Variants in DPP6 observed in about 807,000 individuals in gnomAD.
The protein encoded by DPP6 is A-type potassium channel modulatory protein DPP6.
DPP6 carries 69 observed loss-of-function variants against 122.6 expected under a neutral mutation model. That is an observed-to-expected ratio of 0.56 (90% CI 0.46 to 0.69). DPP6 has a LOEUF of 0.69. DPP6 is among the 30% of genes least tolerant of loss of function. DPP6 has a pLI of 0.00. For missense variants in DPP6, 928 were observed against 1,116.9 expected (o/e 0.83, Z 2.41); for synonymous variants, 418 against 433.1 (o/e 0.97, Z 0.43).
In DPP6 at chr7:154,892,883, G is replaced by A. The variant is rs1165013811; in HGVS notation, c.*403G>A. The A allele has an allele frequency of 7.6e-6, 4 of 529,468 alleles. No homozygotes were observed. The highest frequency in any genetic ancestry group is 5.7e-5 in the African/African-American group (3 of 52,406). 32.8% of individuals were successfully genotyped at this position (529,468 alleles called of 1,614,324 possible). A position where few individuals can be genotyped will look rare whatever the true frequency, so the allele number is the denominator to read the frequency against. On this transcript the variant is annotated 3_prime_UTR_variant, in exon 26 of 26. Coordinates refer to ENST00000377770, the MANE Select transcript of DPP6 (RefSeq NM_130797.4). ...CACTAGCCTCTGTGTTCCCGTTAGG[G>A]ACATCACACCCTGTCTCACGTCGCA...
chr7:154,184,353 C>T (rs1339355061), intron 1 of DPP6, among the ~76,000 whole-genome samples: 1 of 151,988 alleles, frequency 6.6e-6, no homozygotes, highest in African/African-American at 2.4e-5. Flanking sequence ...GTCCTCTCCA[C>T]TCCCCTCTGA....
chr7:154,702,237 T>A (rs1233532059), intron 7 of DPP6, among the ~76,000 whole-genome samples: 1 of 152,240 alleles, frequency 6.6e-6, no homozygotes, highest in African/African-American at 2.4e-5. Flanking sequence ...GGCCTCCCTA[T>A]TCCTTGACAC....
intron 2 of DPP6, among the ~76,000 whole-genome samples, chr7:154,454,096 T>A (rs1820622913): frequency 6.6e-6 from 1 of 152,202 alleles, no homozygotes; most frequent in African/African-American, 2.4e-5. Context: ...TTCCACAAAT[T>A]CAATCTTGTT....
intron 1 of DPP6, among the ~76,000 whole-genome samples, chr7:154,351,107 CA>C (rs1448940499): frequency 6.6e-6 from 1 of 152,196 alleles, no homozygotes; most frequent in Non-Finnish European, 1.5e-5. Context: ...GACTTCTAAG[CA>C]GCAAGCAGCT....
At chr7:154,634,634 T>C (rs1333820382) in intron 5 of DPP6, among the ~76,000 whole-genome samples, 1 of 145,724 alleles carries the variant, frequency 6.9e-6, no homozygotes, top group East Asian at 2.0e-4. Context: ...CTCCTCCTCC[T>C]CCTCTTCTTC....
In DPP6 at chr7:154,755,098, C is replaced by A. The variant is rs923019526; in HGVS notation, c.884-14319C>A. 3.5e-5 allele frequency among the ~76,000 whole-genome samples: 5 copies of A among 143,384 alleles called. No individual in the cohort carries two copies. The highest frequency in any genetic ancestry group is 7.5e-5 in the Non-Finnish European group (5 of 66,554). 94.1% of individuals were successfully genotyped at this position (143,384 alleles called of 152,430 possible). On this transcript the variant is annotated intron_variant, in intron 8 of 25. Transcript: ENST00000377770. This position sits in a 1 kb window ranked among gnomAD's most constrained non-coding sequence, Gnocchi z 4.7. ...CCACGGCACATGTATACCTATGTAA[C>A]AAACCTGCACGTTCTGCACATGTAT...
chr7:153,892,947 T>C (rs1584993044), intron 1 of DPP6, among the ~76,000 whole-genome samples: 1 of 152,238 alleles, frequency 6.6e-6, no homozygotes, highest in East Asian at 1.9e-4. Context: ...TATTGATTAA[T>C]CCCATCTGTG....
At chr7:154,872,454 C>T (rs1349855972) in intron 18 of DPP6, among the ~76,000 whole-genome samples, 170 bp from the exon 19 acceptor site, 1 of 152,216 alleles carries the variant, frequency 6.6e-6, no homozygotes, top group Non-Finnish European at 1.5e-5. Flanking sequence ...CCCAAGGCCG[C>T]GCAGCAGGCC....
intron 7 of DPP6, among the ~76,000 whole-genome samples, chr7:154,685,818 G>A (rs1414080218): frequency 6.6e-6 from 1 of 152,200 alleles, no homozygotes; most frequent in African/African-American, 2.4e-5. Context: ...AGATCAGGAT[G>A]TGATAAAATT....
At position 154,095,711 on chromosome 7, in the gene DPP6, G is replaced by C. The variant is rs530713243; in HGVS notation, c.243+42648G>C. 198 of 111,366 alleles carry C rather than the reference G, an allele frequency of 1.8e-3. 1 individual carries two copies. Among genetic ancestry groups the C allele is most frequent in the African/African-American group, 5.9e-3 (181 of 30,818 alleles). 6.9% of individuals were successfully genotyped at this position (111,366 alleles called of 1,614,324 possible). On this transcript the variant is annotated intron_variant, in intron 1 of 25. Transcript: ENST00000377770. The stretch of plus-strand genomic sequence containing the variant: ...GGTGTTCTGCTTTTTCCTGGGAGGC[G>C]GCCTTGGCGTGTCCCTGAGACCTCC...
At chr7:154,699,832 A>G (rs554382790) in intron 7 of DPP6, among the ~76,000 whole-genome samples, 21 of 152,302 alleles carry the variant, frequency 1.4e-4, no homozygotes, top group African/African-American at 5.1e-4. Context: ...CCAAGCCTGC[A>G]TCTCAGTTCC....
At chr7:154,628,395 G>A (rs755822373) in intron 5 of DPP6, among the ~76,000 whole-genome samples, 158 of 152,278 alleles carry the variant, frequency 1.0e-3, no homozygotes, top group Middle Eastern at 6.8e-3. Context: ...TCTTGTCTGT[G>A]CAGAATACTT....
rs941583983 is a variant in DPP6, at chr7:154,631,302, C to T, written c.628-6519C>T. ...GGGCAGGAGGCGAAGGAGAGCAGGT[C>T]CTGGAATCAGGAAAGGGGAACAGCT... is the stretch of plus-strand genomic sequence containing the variant. On this transcript the variant is annotated intron_variant, in intron 5 of 25. Coordinates refer to ENST00000377770, the MANE Select transcript of DPP6 (RefSeq NM_130797.4). Among the ~76,000 whole-genome samples the T allele has an allele frequency of 3.3e-5, 5 of 152,118 alleles. No individual in the cohort carries two copies. In the East Asian group the frequency reaches 9.7e-4, roughly 29 times the overall value.
chr7:153,767,998 A>G, the DPP6 span, among the ~76,000 whole-genome samples: 1 of 152,114 alleles, frequency 6.6e-6, no homozygotes, highest in East Asian at 1.9e-4. Context: ...TATCTGAAAT[A>G]GAAGGCTCAC....
At chr7:154,683,059 T>G (rs1435194506) in intron 7 of DPP6, among the ~76,000 whole-genome samples, 1 of 152,232 alleles carries the variant, frequency 6.6e-6, no homozygotes, top group Non-Finnish European at 1.5e-5. Context: ...ATTAGTGAAT[T>G]GATTTTTCTG....
Position 154,152,992 on chromosome 7 carries a change from A to G in DPP6, c.243+99929A>G, listed in dbSNP as rs149525859. Among the ~76,000 whole-genome samples, 1,307 of 152,348 alleles carry G rather than the reference A, an allele frequency of 8.6e-3. 1 individual carries two copies. The highest frequency in any genetic ancestry group is 0.029 in the African/African-American group (1,215 of 41,560). On this transcript the variant is annotated intron_variant, in intron 1 of 25. Transcript: ENST00000377770. Reference sequence around the variant, plus strand: ...ACAAGCCAAGCTAAGTTTTCAGTGTACATAAAAAGCATAAAACCCGATGAA... The same window carrying G: ...ACAAGCCAAGCTAAGTTTTCAGTGTGCATAAAAAGCATAAAACCCGATGAA...
At chr7:153,902,831 C>T (rs914008319) in intron 1 of DPP6, among the ~76,000 whole-genome samples, 2 of 150,376 alleles carry the variant, frequency 1.3e-5, no homozygotes, top group Admixed American at 6.6e-5. Context: ...AGTGAAACCC[C>T]GTCAAAAAAA....
the DPP6 span, among the ~76,000 whole-genome samples, chr7:153,831,879 C>T: frequency 0.36 from 54,121 of 151,978 alleles, 9,792 homozygotes; most frequent in East Asian, 0.53. Context: ...GAGAAACTAG[C>T]ATTTTGTTCT....
intron 7 of DPP6, among the ~76,000 whole-genome samples, chr7:154,680,388 T>C (rs1380711399): frequency 6.6e-6 from 1 of 152,134 alleles, no homozygotes; most frequent in African/African-American, 2.4e-5. Context: ...TAACAGGAAT[T>C]TCTAAAAGCT....
Sources: gnomAD v4.1 joint callset for allele counts (sites outside exome capture counted in the v4.1 genomes callset) on GRCh38, gnomAD v4.1.1 for gene constraint, Gnocchi (gnomAD v3.1) non-coding constraint, MANE v1.5 for transcripts, NCBI Gene and HGNC (gene_info 2026-07-23, HGNC 2026-07-21) for gene names.